DDX17: variants seen among roughly 807,000 people sequenced by gnomAD.
DDX17 encodes the protein probable ATP-dependent RNA helicase DDX17.
In DDX17, 10 loss-of-function variants were observed where a neutral mutation model predicts 80.8. The ratio of observed to expected loss-of-function variants is 0.12; its 90% confidence interval spans 0.08 to 0.21. The LOEUF is 0.21. Ranked by LOEUF, DDX17 falls within the 10% of genes least tolerant of loss-of-function variation. DDX17 has a pLI of 1.00. For synonymous variants in DDX17, 339 were observed against 336.2 expected, an observed-to-expected ratio of 1.01 and a Z score of -0.09; for missense variants, 586 against 957.4, an observed-to-expected ratio of 0.61 and a Z score of 5.12.
chr22:38,506,159 C>T lies in DDX17; in HGVS notation c.79G>A (p.Ala27Thr), dbSNP rs1390512733. 1 of 1,589,906 alleles carries T rather than the reference C, an allele frequency of 6.3e-7. No homozygotes were observed. The highest frequency in any genetic ancestry group is 8.5e-7 in the Non-Finnish European group (1 of 1,169,842). Residue 27 changes from alanine to threonine, a missense_variant, in exon 1 of 13, where the codon GCG (alanine) becomes ACG (threonine). By Grantham distance (58) the Ala-to-Thr change is moderately conservative (BLOSUM62 0). Transcript: ENST00000403230. ...CGCTCCGACGCGCTGTCTCCCGTCG[C>T]AGACGCCACCGTCGCCGCCTCTCTC...
At position 38,492,219 on chromosome 22, in the gene DDX17, A is replaced by C. The variant is rs989204503; in HGVS notation, c.1388-104T>G. 17 of 905,918 alleles carry C rather than the reference A, an allele frequency of 1.9e-5. No individual in the cohort carries two copies. The African/African-American group carries it at 2.9e-4, about 15-fold the overall frequency. 56.1% of individuals were successfully genotyped at this position (905,918 alleles called of 1,614,324 possible). On this transcript the variant is annotated intron_variant, in intron 10 of 12. Coordinates refer to ENST00000403230, the MANE Select transcript of DDX17 (RefSeq NM_006386.5). Reference sequence around the variant, plus strand: ...CAAATAATGGTGCCAGAAAATCCCAAGCTCTTGTAATGACTGACAGTGATT... The same window carrying C: ...CAAATAATGGTGCCAGAAAATCCCACGCTCTTGTAATGACTGACAGTGATT...
At chr22:38,491,887 T>C (rs942629120) in intron 11 of DDX17, 169 bp downstream of exon 11, 1 of 351,028 alleles carries the variant, frequency 2.8e-6, no homozygotes, top group Non-Finnish European at 4.6e-6. Context: ...AAAAAAATTG[T>C]GGGGGGGGCA....
intron 8 of DDX17, 35 bp from the exon 9 acceptor site, chr22:38,494,166 G>A (rs748498646): frequency 2.1e-6 from 3 of 1,407,598 alleles, no homozygotes; most frequent in African/African-American, 2.8e-5. Context: ...TCATCACACA[G>A]AAAGTTATTA....
intron 10 of DDX17, among the ~76,000 whole-genome samples, chr22:38,492,691 G>C (rs1236709544): frequency 6.6e-6 from 1 of 152,140 alleles, no homozygotes; most frequent in Non-Finnish European, 1.5e-5. Context: ...TCTCCATGTT[G>C]GTCAGGCTGG....
intron 9 of DDX17, 120 bp from the exon 10 acceptor site, chr22:38,493,891 CTG>C (rs1244429342): frequency 2.5e-5 from 30 of 1,220,048 alleles, no homozygotes; most frequent in Non-Finnish European, 3.4e-5. Context: ...GAATAGATGA[CTG>C]TGCTCATTAA....
At chr22:38,502,538 C>A (rs550308230) in intron 1 of DDX17, among the ~76,000 whole-genome samples, 1 of 140,068 alleles carries the variant, frequency 7.1e-6, no homozygotes, top group East Asian at 2.3e-4. Context: ...AAAACACTAA[C>A]AAGACTTATT....
intron 11 of DDX17, chr22:38,488,688 T>C (rs1246579632): frequency 3.2e-5 from 32 of 988,146 alleles, no homozygotes; most frequent in Non-Finnish European, 3.5e-5. Flanking sequence ...TTTGCTCTTA[T>C]CTTTTTAAGA....
At chr22:38,492,259 T>C (rs1212191819) in intron 10 of DDX17, 144 bp from the exon 11 acceptor site, 1 of 610,864 alleles carries the variant, frequency 1.6e-6, no homozygotes, top group Non-Finnish European at 2.8e-6. Context: ...TGAAAATCTT[T>C]ATTACACTCA....
Position 38,505,917 on chromosome 22 carries a change from A to G in DDX17, c.287+34T>C, listed in dbSNP as rs1205947444. On this transcript the variant is annotated intron_variant, in intron 1 of 12. Transcript: ENST00000403230. ...CCCAAGAAGCAACTCCCCCACCCCC[A>G]CGCCAGGCCTCTCCTCTCCTCCCCC... is the stretch of plus-strand genomic sequence containing the variant. 1.3e-5 allele frequency: 15 copies of G among 1,129,966 alleles called. No individual in the cohort carries two copies. The East Asian group carries it at 5.0e-4, about 38-fold the overall frequency. The allele number at this position is 1,129,966 out of a possible 1,614,324, so 70.0% of individuals were successfully genotyped here.
chr22:38,493,811 A>T (rs768849540), intron 9 of DDX17, 40 bp from the exon 10 acceptor site: 3 of 1,593,530 alleles, frequency 1.9e-6, no homozygotes, highest in South Asian at 2.2e-5. Context: ...AAAATCTTTT[A>T]AAGTGGAGAA....
intron 12 of DDX17, among the ~76,000 whole-genome samples, chr22:38,487,574 G>A (rs763431695): frequency 5.3e-5 from 8 of 152,112 alleles, no homozygotes; most frequent in African/African-American, 1.9e-4. Flanking sequence ...AGCTGAGATC[G>A]CGCCATTGCA....
intron 2 of DDX17, among the ~76,000 whole-genome samples, chr22:38,500,552 T>C (rs908978103): frequency 6.6e-6 from 1 of 152,028 alleles, no homozygotes; most frequent in African/African-American, 2.4e-5. Context: ...CTCACGCCTG[T>C]AATCCCAGCA....
rs1875790743 is a variant in DDX17 at position 38,483,669 on chromosome 22, G to T, written c.*2266C>A. ...CAAAAGCCACTAACCTTTTAGATGAGAAGTCCACACAACGAATTGTTAGGG... is the reference window on the plus strand; with the variant it reads ...CAAAAGCCACTAACCTTTTAGATGATAAGTCCACACAACGAATTGTTAGGG... On this transcript the variant is annotated 3_prime_UTR_variant, in exon 13 of 13. Transcript: ENST00000403230. 6.6e-6 allele frequency: 1 copy of T among 152,602 alleles called. No individual in the cohort carries two copies. Among genetic ancestry groups the T allele is most frequent in the Non-Finnish European group, 1.5e-5 (1 of 68,050 alleles). The allele number at this position is 152,602 out of a possible 1,614,324, so 9.5% of individuals were successfully genotyped here.
Position 38,495,923 on chromosome 22 carries a change from A to G in DDX17, c.753T>C (p.Ala251=), listed in dbSNP as rs2089760047. The change falls in exon 6 of 13, where the codon GCT becomes GCC. Residue 251 remains alanine (A), a synonymous_variant. Transcript: ENST00000403230. Reference sequence around the variant, plus strand: ...CTTGCTGGGCAAGCTCTCTGGTAGGAGCCAGAACTAGACACTGAAACCAAC... The same window carrying G: ...CTTGCTGGGCAAGCTCTCTGGTAGGGGCCAGAACTAGACACTGAAACCAAC... 6.2e-7 allele frequency: 1 copy of G among 1,600,042 alleles called. No individual in the cohort carries two copies. Among genetic ancestry groups the G allele is most frequent in the African/African-American group, 1.4e-5 (1 of 73,908 alleles).
chr22:38,505,228 T>C (rs1247318085), intron 1 of DDX17: 1 of 152,158 alleles, frequency 6.6e-6, no homozygotes, highest in Non-Finnish European at 1.5e-5. Context: ...AAGAACTTTC[T>C]AGCGAGGCAG....
intron 1 of DDX17, among the ~76,000 whole-genome samples, chr22:38,502,763 TA>T (rs1423529236): frequency 6.6e-6 from 1 of 152,218 alleles, no homozygotes; most frequent in African/African-American, 2.4e-5. Flanking sequence ...TTGTTTGGCA[TA>T]CAAACTGTAT....
intron 11 of DDX17, chr22:38,491,034 T>A (rs1234258604): frequency 6.5e-6 from 1 of 152,720 alleles, no homozygotes; most frequent in African/African-American, 2.4e-5. Flanking sequence ...TTATGTAAAC[T>A]GCTTTCAGGC....
chr22:38,498,585 T>C lies in DDX17; in HGVS notation c.539-12A>G. 6.2e-7 allele frequency: 1 copy of C among 1,612,956 alleles called. No homozygotes were observed. The highest frequency in any genetic ancestry group is 8.5e-7 in the Non-Finnish European group (1 of 1,179,066). On this transcript the variant is annotated splice_polypyrimidine_tract_variant and intron_variant, in intron 3 of 12. Coordinates refer to ENST00000403230, the MANE Select transcript of DDX17 (RefSeq NM_006386.5). ...ATCCATTACATATTCTGTAAGAGAA[T>C]TTTATTTTGCGTATTTTATTGTGTT...
chr22:38,497,624 A>AAAAAAAAC (rs1016091188), intron 5 of DDX17, among the ~76,000 whole-genome samples: 5 of 149,130 alleles, frequency 3.4e-5, no homozygotes, highest in African/African-American at 1.2e-4. Flanking sequence ...ATCTCCAAAA[A>AAAAAAAAC]AAAAAAAAAA....
Sources: allele counts gnomAD v4.1 joint callset (sites outside exome capture counted in the v4.1 genomes callset), GRCh38; gene constraint gnomAD v4.1.1; transcripts MANE v1.5; gene names NCBI Gene and HGNC (gene_info 2026-07-23, HGNC 2026-07-21).